PTPRD: variants seen among roughly 807,000 people sequenced by gnomAD.
PTPRD encodes the protein protein tyrosine phosphatase receptor type D.
Under a neutral mutation model 214.5 loss-of-function variants are expected in PTPRD, and 34 were observed. That is an observed-to-expected ratio of 0.16 (90% confidence interval 0.12 to 0.21). The LOEUF (loss-of-function observed/expected upper bound fraction) is 0.21. PTPRD is among the 10% of genes least tolerant of loss of function. The probability of loss-of-function intolerance (pLI) is 1.00; values close to 1 mark genes in which losing one functional copy is unlikely to be tolerated. For missense variants in PTPRD, 2,545 were observed against 2,398.7 expected (o/e 1.06, Z -1.27); for synonymous variants, 1,128 against 845.7 (o/e 1.33, Z -5.79).
At position 8,501,537 on chromosome 9, in the gene PTPRD, T is replaced by A. The variant is rs113360904; in HGVS notation, c.1823-478A>T. 9.5e-3 allele frequency among the ~76,000 whole-genome samples: 1,453 copies of A among 152,298 alleles called. 16 individuals carry two copies. The highest frequency in any genetic ancestry group is 0.028 in the African/African-American group (1,183 of 41,566). On this transcript the variant is annotated intron_variant, in intron 23 of 45. Transcript: ENST00000381196. Reference sequence around the variant, plus strand: ...ATGGTTTACATACAGTACTCATTTGTGAAAGGCTTCTTAAGTGTGAAAAGT... The same window carrying A: ...ATGGTTTACATACAGTACTCATTTGAGAAAGGCTTCTTAAGTGTGAAAAGT...
intron 2 of PTPRD, among the ~76,000 whole-genome samples, chr9:10,482,325 G>A (rs35069540): frequency 1.3e-5 from 2 of 151,936 alleles, no homozygotes; most frequent in East Asian, 1.9e-4. Flanking sequence ...GAGCCGAGAT[G>A]GCGCCACTGC....
chr9:9,375,077 G>C (rs373737890), intron 9 of PTPRD, among the ~76,000 whole-genome samples: 34 of 152,254 alleles, frequency 2.2e-4, no homozygotes, highest in African/African-American at 7.7e-4. Context: ...AACTCTGTGT[G>C]TGTATGTGTA....
At chr9:9,835,174 G>C (rs763312925) in intron 5 of PTPRD, among the ~76,000 whole-genome samples, 6 of 152,166 alleles carry the variant, frequency 3.9e-5, no homozygotes, top group South Asian at 2.1e-4. Flanking sequence ...CAAAATACAA[G>C]TATCTGCAAT....
chr9:9,977,436 T>A (rs969202957), intron 4 of PTPRD, among the ~76,000 whole-genome samples: 2 of 152,210 alleles, frequency 1.3e-5, no homozygotes, highest in Non-Finnish European at 2.9e-5. Flanking sequence ...TAGAGTTTTG[T>A]ACTCTCAGAT....
At chr9:9,126,188 C>G (rs537363293) in intron 10 of PTPRD, among the ~76,000 whole-genome samples, 1 of 152,252 alleles carries the variant, frequency 6.6e-6, no homozygotes, top group East Asian at 1.9e-4. Flanking sequence ...ATATAAGCCA[C>G]AATTTATTTT....
intron 26 of PTPRD, among the ~76,000 whole-genome samples, chr9:8,495,498 C>G (rs2097244372): frequency 6.6e-6 from 1 of 152,182 alleles, no homozygotes; most frequent in South Asian, 2.1e-4. Context: ...CACTAAGTCA[C>G]TGGATTTTAA....
chr9:9,311,209 C>G (rs1958893434), intron 9 of PTPRD, among the ~76,000 whole-genome samples: 1 of 151,770 alleles, frequency 6.6e-6, no homozygotes. Context: ...TTCTTAGTTC[C>G]AAAGAAAAAC....
intron 9 of PTPRD, among the ~76,000 whole-genome samples, chr9:9,310,417 A>G (rs1211509268): frequency 1.3e-5 from 2 of 151,974 alleles, no homozygotes; most frequent in African/African-American, 2.4e-5. Flanking sequence ...CTCCTTACCC[A>G]TTCTCTCTTC....
At chr9:9,306,104 A>G (rs1012280020) in intron 9 of PTPRD, among the ~76,000 whole-genome samples, 2 of 152,192 alleles carry the variant, frequency 1.3e-5, no homozygotes, top group Admixed American at 1.3e-4. Context: ...AAATATGAAG[A>G]TAAGAACCCT....
intron 33 of PTPRD, 86 bp downstream of exon 33, chr9:8,460,325 A>G (rs778298138): frequency 1.6e-5 from 24 of 1,498,352 alleles, no homozygotes; most frequent in Admixed American, 1.0e-4. Flanking sequence ...ACTAAAATCA[A>G]CCACCTAAGG....
chr9:9,537,932 C>G (rs1798715858), intron 8 of PTPRD, among the ~76,000 whole-genome samples: 1 of 151,804 alleles, frequency 6.6e-6, no homozygotes, highest in East Asian at 1.9e-4. Flanking sequence ...TTTTCTTTCT[C>G]TGTACCTTTG....
chr9:10,280,472 T>C (rs1021236221), intron 3 of PTPRD, among the ~76,000 whole-genome samples: 11 of 152,072 alleles, frequency 7.2e-5, no homozygotes, highest in African/African-American at 2.4e-4. Flanking sequence ...AAAGATGAGT[T>C]CAGAATAATT....
chr9:9,327,314 TC>T (rs1247111137), intron 9 of PTPRD, among the ~76,000 whole-genome samples: 1 of 152,228 alleles, frequency 6.6e-6, no homozygotes, highest in Non-Finnish European at 1.5e-5. Context: ...AGTCTGTTTT[TC>T]TTGATAAGCA....
At chr9:9,477,447 A>G (rs2095140627) in intron 8 of PTPRD, among the ~76,000 whole-genome samples, 2 of 152,270 alleles carry the variant, frequency 1.3e-5, no homozygotes, top group South Asian at 4.1e-4. Context: ...TTAAATCAAA[A>G]CTATCTGAGG....
intron 12 of PTPRD, among the ~76,000 whole-genome samples, chr9:8,647,539 A>G (rs2096720863): frequency 6.6e-6 from 1 of 152,186 alleles, no homozygotes; most frequent in Admixed American, 6.5e-5. Context: ...ATTTATTGTT[A>G]AACATTTAGG....
intron 9 of PTPRD, among the ~76,000 whole-genome samples, chr9:9,347,049 C>T (rs2137809415): frequency 6.6e-6 from 1 of 152,150 alleles, no homozygotes; most frequent in African/African-American, 2.4e-5. Flanking sequence ...CGCTTGTAAC[C>T]TTAACACTTT....
chr9:9,935,210 G>A (rs1474132529), intron 5 of PTPRD, among the ~76,000 whole-genome samples: 2 of 151,862 alleles, frequency 1.3e-5, no homozygotes. Context: ...ACATAGTGTT[G>A]GAAGTTCTGG....
At chr9:8,669,452 G>C (rs1348154336) in intron 12 of PTPRD, among the ~76,000 whole-genome samples, 2 of 152,116 alleles carry the variant, frequency 1.3e-5, no homozygotes, top group African/African-American at 2.4e-5. Context: ...AGGTGTACCA[G>C]GGAGAAGGAT....
At chr9:9,488,734 G>A (rs1457299621) in intron 8 of PTPRD, among the ~76,000 whole-genome samples, 1 of 152,082 alleles carries the variant, frequency 6.6e-6, no homozygotes, top group Non-Finnish European at 1.5e-5. Flanking sequence ...CAACTTCCAG[G>A]TAAAGGCTCA....
Sources: allele counts gnomAD v4.1 joint callset (sites outside exome capture counted in the v4.1 genomes callset), GRCh38; gene constraint gnomAD v4.1.1; transcripts MANE v1.5; gene names NCBI Gene and HGNC (gene_info 2026-07-23, HGNC 2026-07-21).